PTPRN2: variants seen among roughly 807,000 people sequenced by gnomAD.
The protein encoded by PTPRN2 is protein tyrosine phosphatase receptor type N2.
PTPRN2 carries 74 observed loss-of-function variants against 118.8 expected under a neutral mutation model. The observed-to-expected ratio is 0.62, with a 90% CI of 0.52 to 0.76. The LOEUF (loss-of-function observed/expected upper bound fraction) is 0.76, where lower values mean the gene tolerates loss of function less well. Ranked by LOEUF, PTPRN2 falls within the 30% of genes least tolerant of loss-of-function variation. The pLI, the probability that PTPRN2 is intolerant of heterozygous loss-of-function variation, is 0.00. For missense variants in PTPRN2, 1,481 were observed against 1,394.4 expected (o/e 1.06, Z -0.99); for synonymous variants, 641 against 608.0 (o/e 1.05, Z -0.80).
intron 12 of PTPRN2, among the ~76,000 whole-genome samples, chr7:157,888,223 C>T (rs182598423): frequency 2.0e-4 from 31 of 152,130 alleles, no homozygotes; most frequent in Admixed American, 1.4e-3. Flanking sequence ...GTTCAGTGGT[C>T]CCCCCAGGCT....
In PTPRN2 at chr7:157,903,187, G is replaced by A. The variant is rs112816792; in HGVS notation, c.1724-4450C>T. Among the ~76,000 whole-genome samples, 1,597 of 152,106 alleles carry A rather than the reference G, an allele frequency of 0.01. 32 individuals carry two copies. Among genetic ancestry groups the A allele is most frequent in the African/African-American group, 0.037 (1,521 of 41,476 alleles). ...CTACACTCATCAGAGAACCACATGC[G>A]CTCACATGGAAGTGGGGACCAGACA... is the stretch of plus-strand genomic sequence containing the variant. On this transcript the variant is annotated intron_variant, in intron 11 of 22. Transcript: ENST00000389418. This position sits in a 1 kb window ranked among gnomAD's most constrained non-coding sequence, Gnocchi z 4.2.
In PTPRN2 at chr7:158,003,573, C is replaced by A. The variant is rs112753916; in HGVS notation, c.1723+77725G>T. 6.6e-6 allele frequency among the ~76,000 whole-genome samples: 1 copy of A among 152,152 alleles called. No individual in the cohort carries two copies. The highest frequency in any genetic ancestry group is 2.4e-5 in the African/African-American group (1 of 41,436). On this transcript the variant is annotated intron_variant, in intron 11 of 22. Coordinates refer to ENST00000389418, the MANE Select transcript of PTPRN2 (RefSeq NM_002847.5). The surrounding 1 kb of genome is among the most constrained non-coding windows in gnomAD (Gnocchi z 5.0). ...AGCCACCGTGAGCCAGGGAATGCGG[C>A]CCCAGGAACAAGCCCTGCCCACAGG...
At chr7:158,131,785 G>C (rs578039617) in intron 9 of PTPRN2, among the ~76,000 whole-genome samples, 1 of 142,852 alleles carries the variant, frequency 7.0e-6, no homozygotes, top group African/African-American at 2.6e-5. Context: ...ACATCTACCC[G>C]ACATACACAC....
At chr7:158,002,528 C>T (rs1422855365) in intron 11 of PTPRN2, among the ~76,000 whole-genome samples, 1 of 152,108 alleles carries the variant, frequency 6.6e-6, no homozygotes, top group Admixed American at 6.5e-5. Flanking sequence ...GAAGGAACAA[C>T]GGGGCCAAAT....
In PTPRN2 at chr7:157,587,603, T is replaced by C. The variant is rs1173290520; in HGVS notation, c.2496+7635A>G. ...GAAAGCAGAAACTAGAAATTGAAAG[T>C]GCACCTTTTTCTTGGTAAAATGTTG... On this transcript the variant is annotated intron_variant, in intron 17 of 22. Transcript: ENST00000389418. The surrounding 1 kb of genome is among the most constrained non-coding windows in gnomAD (Gnocchi z 5.3). 3.3e-5 allele frequency among the ~76,000 whole-genome samples: 5 copies of C among 152,226 alleles called. No individual in the cohort carries two copies. The highest frequency in any genetic ancestry group is 2.9e-5 in the Non-Finnish European group (2 of 68,038).
rs147433420 is a variant in PTPRN2, at chr7:158,521,091, C to T, written c.113-31306G>A. Among the ~76,000 whole-genome samples, 385 of 152,378 alleles carry T rather than the reference C, an allele frequency of 2.5e-3. 2 individuals are homozygous for T. The highest frequency in any genetic ancestry group is 8.3e-3 in the African/African-American group (345 of 41,602). On this transcript the variant is annotated intron_variant, in intron 1 of 22. Transcript: ENST00000389418. ...TGTGCGAGGCGCTCAGTCCTGCAGACGCAGTGACTTCCTGCCCCAGCTGGA... is the reference window on the plus strand; with the variant it reads ...TGTGCGAGGCGCTCAGTCCTGCAGATGCAGTGACTTCCTGCCCCAGCTGGA...
chr7:158,471,639 G>A (rs1286197756), intron 2 of PTPRN2, among the ~76,000 whole-genome samples: 1 of 152,052 alleles, frequency 6.6e-6, no homozygotes, highest in Non-Finnish European at 1.5e-5. Context: ...GGCGAGCTGA[G>A]ATTGCGCCAC....
chr7:158,119,352 T>C (rs561528819), intron 9 of PTPRN2, among the ~76,000 whole-genome samples: 8 of 152,196 alleles, frequency 5.3e-5, no homozygotes, highest in African/African-American at 1.9e-4. Flanking sequence ...GGATGGCCAC[T>C]GTAAGAAGAA....
chr7:158,072,137 A>G (rs1027036867), intron 11 of PTPRN2, among the ~76,000 whole-genome samples: 6 of 141,658 alleles, frequency 4.2e-5, no homozygotes, highest in African/African-American at 1.7e-4. Flanking sequence ...CTCATGTAGG[A>G]TCTAAATGCC....
chr7:157,775,025 C>T (rs1341488781), intron 12 of PTPRN2, among the ~76,000 whole-genome samples: 1 of 152,216 alleles, frequency 6.6e-6, no homozygotes, highest in Non-Finnish European at 1.5e-5. Flanking sequence ...GGTGGCCTTG[C>T]ATCCTAACTG....
chr7:158,559,970 A>G (rs1563434765), intron 1 of PTPRN2, among the ~76,000 whole-genome samples: 1 of 152,178 alleles, frequency 6.6e-6, no homozygotes, highest in African/African-American at 2.4e-5. Context: ...GAATTTTCTC[A>G]CCTTCCCAAA....
At chr7:158,318,189 G>A (rs896994201) in intron 2 of PTPRN2, among the ~76,000 whole-genome samples, 4 of 152,136 alleles carry the variant, frequency 2.6e-5, no homozygotes, top group African/African-American at 4.8e-5. Context: ...CACCACAGGC[G>A]GGAACACAGG....
chr7:158,176,383 T>C (rs918997218), intron 5 of PTPRN2, among the ~76,000 whole-genome samples: 1 of 152,128 alleles, frequency 6.6e-6, no homozygotes, highest in Non-Finnish European at 1.5e-5. Context: ...GGTACAGACA[T>C]GATTACCCAC....
intron 11 of PTPRN2, among the ~76,000 whole-genome samples, chr7:157,911,665 G>GA (rs1204802320): frequency 6.6e-6 from 1 of 152,138 alleles, no homozygotes; most frequent in East Asian, 1.9e-4. Context: ...ACTCTGAAAA[G>GA]AGATAAAACA....
intron 1 of PTPRN2, among the ~76,000 whole-genome samples, chr7:158,514,809 C>T (rs1823416254): frequency 1.3e-5 from 2 of 152,150 alleles, no homozygotes; most frequent in Non-Finnish European, 2.9e-5. Flanking sequence ...AACAGGAAAA[C>T]ATCTCGCAGA....
At position 157,690,129 on chromosome 7, in the gene PTPRN2, C is replaced by T. The variant is rs1797401572; in HGVS notation, c.1789-7192G>A. Among the ~76,000 whole-genome samples, 1 of 152,204 alleles carries T rather than the reference C, an allele frequency of 6.6e-6. No homozygotes were observed. Among genetic ancestry groups the T allele is most frequent in the Non-Finnish European group, 1.5e-5 (1 of 68,040 alleles). ...AGCGCTGGGGAGAAGTCCCGGAGGT[C>T]CTAGACTCCTTGGGGCGGTCTCTGC... On this transcript the variant is annotated intron_variant, in intron 12 of 22. Coordinates refer to ENST00000389418, the MANE Select transcript of PTPRN2 (RefSeq NM_002847.5). The surrounding 1 kb of genome is among the most constrained non-coding windows in gnomAD (Gnocchi z 7.1).
intron 16 of PTPRN2, among the ~76,000 whole-genome samples, chr7:157,600,284 C>G (rs1282775085): frequency 1.3e-5 from 2 of 152,232 alleles, no homozygotes; most frequent in African/African-American, 4.8e-5. Context: ...TCTCCACCTG[C>G]CTTTCCTAAC....
intron 2 of PTPRN2, among the ~76,000 whole-genome samples, chr7:158,320,505 C>T (rs1050700151): frequency 6.1e-5 from 7 of 114,056 alleles, no homozygotes; most frequent in Admixed American, 2.7e-4. Flanking sequence ...CCCCATCGCC[C>T]GCATCCTCAG....
chr7:157,838,383 C>T lies in PTPRN2; in HGVS notation c.1788+60290G>A, dbSNP rs568473886. 1.6e-4 allele frequency among the ~76,000 whole-genome samples: 23 copies of T among 142,080 alleles called. No individual in the cohort carries two copies. The South Asian group carries it at 4.7e-3, about 29-fold the overall frequency. The allele number at this position is 142,080 out of a possible 152,430, so 93.2% of individuals were successfully genotyped here. ...GGCATGGGAGAAAGCTGCTCTCTGCCGTGGCTACTCCAGTTCCTCTCATAG... is the reference window on the plus strand; with the variant it reads ...GGCATGGGAGAAAGCTGCTCTCTGCTGTGGCTACTCCAGTTCCTCTCATAG... On this transcript the variant is annotated intron_variant, in intron 12 of 22. Transcript: ENST00000389418.
Sources: allele counts gnomAD v4.1 joint callset (sites outside exome capture counted in the v4.1 genomes callset), GRCh38; gene constraint gnomAD v4.1.1; non-coding constraint Gnocchi (gnomAD v3.1); transcripts MANE v1.5; gene names NCBI Gene and HGNC (gene_info 2026-07-23, HGNC 2026-07-21).